Variants in PDE10A observed in about 807,000 individuals in gnomAD.
PDE10A encodes phosphodiesterase 10A, also known as cAMP and cAMP-inhibited cGMP 3',5'-cyclic phosphodiesterase 10A.
In PDE10A, 39 loss-of-function variants were observed where a neutral mutation model predicts 97.7. That is an observed-to-expected ratio of 0.40 (90% CI 0.31 to 0.52). The LOEUF (loss-of-function observed/expected upper bound fraction) is 0.52, where lower values mean the gene tolerates loss of function less well. Among genes scored for constraint, PDE10A ranks in the 20% least tolerant of loss-of-function variants. PDE10A has a pLI of 0.56. For missense variants in PDE10A, 731 were observed against 1,047.8 expected (o/e 0.70, Z 4.17); for synonymous variants, 371 against 376.8 (o/e 0.98, Z 0.18).
At chr6:165,495,186 C>T (rs1780466268) in intron 2 of PDE10A, among the ~76,000 whole-genome samples, 2 of 152,110 alleles carry the variant, frequency 1.3e-5, no homozygotes, top group Admixed American at 1.3e-4. Flanking sequence ...ACTTAAATTT[C>T]GTGGTTTTGA....
intron 13 of PDE10A, among the ~76,000 whole-genome samples, chr6:165,405,926 C>T (rs1787104287): frequency 6.6e-6 from 1 of 152,118 alleles, no homozygotes; most frequent in South Asian, 2.1e-4. Context: ...AATATATAAA[C>T]ACAGGACATG....
At chr6:165,624,191 G>C (rs1419601218) in intron 1 of PDE10A, among the ~76,000 whole-genome samples, 2 of 152,132 alleles carry the variant, frequency 1.3e-5, no homozygotes, top group Non-Finnish European at 2.9e-5. Flanking sequence ...CCCTCCTCTG[G>C]CCCAGGCCTC....
At position 165,329,173 on chromosome 6, in the gene PDE10A, A is replaced by T. The variant is rs1203690377; in HGVS notation, c.*3852T>A. 6.6e-6 allele frequency: 1 copy of T among 152,234 alleles called. No homozygotes were observed. Among genetic ancestry groups the T allele is most frequent in the East Asian group, 1.9e-4 (1 of 5,194 alleles). 9.4% of individuals were successfully genotyped at this position (152,234 alleles called of 1,614,324 possible). A position where few individuals can be genotyped will look rare whatever the true frequency, so the allele number is the denominator to read the frequency against. ...AGAAGTGATTTTAAAAATCATGCTT[A>T]GGTACCTGAAACCCCCCAAAATCAC... On this transcript the variant is annotated 3_prime_UTR_variant, in exon 22 of 22. Coordinates refer to ENST00000539869, the MANE Select transcript of PDE10A (RefSeq NM_001385079.1).
chr6:165,557,413 A>C (rs1342907140), intron 1 of PDE10A, among the ~76,000 whole-genome samples: 1 of 152,186 alleles, frequency 6.6e-6, no homozygotes, highest in African/African-American at 2.4e-5. Flanking sequence ...TCTTATGCCC[A>C]TTTAGTAAAA....
At chr6:165,955,220 G>T (rs1784100507) in intron 1 of PDE10A, among the ~76,000 whole-genome samples, 2 of 152,208 alleles carry the variant, frequency 1.3e-5, no homozygotes, top group Admixed American at 6.5e-5. Context: ...CGTGCTCGGT[G>T]TATAGGGTTG....
rs775073146 is a variant in PDE10A, at chr6:165,395,202, T to C, written c.2282A>G (p.His761Arg). 1 of 1,612,942 alleles carries C rather than the reference T, an allele frequency of 6.2e-7. No homozygotes were observed. Among genetic ancestry groups the C allele is most frequent in the Non-Finnish European group, 8.5e-7 (1 of 1,179,060 alleles). Residue 761 changes from histidine to arginine, a missense_variant, in exon 15 of 22, where the codon CAT (histidine) becomes CGT (arginine). Physicochemically the swap from His to Arg is conservative, Grantham distance 29 (BLOSUM62 0). Transcript: ENST00000539869. ...ATACCAGGATGTCCCACAGGACCGA[T>C]GAACCATGTAGACAAAAATTCCAGG... is the stretch of plus-strand genomic sequence containing the variant. ...MWPGIFVYMVHRSCGTSCFEL... is the reference protein window; with the variant it reads ...MWPGIFVYMVRRSCGTSCFEL...
chr6:165,940,831 C>T (rs2128492553), intron 1 of PDE10A: 1 of 152,344 alleles, frequency 6.6e-6, no homozygotes. Context: ...ATTCAGCAGC[C>T]TTTATCACTG....
chr6:165,878,303 G>A (rs772979591), intron 1 of PDE10A, among the ~76,000 whole-genome samples: 1 of 152,190 alleles, frequency 6.6e-6, no homozygotes, highest in African/African-American at 2.4e-5. Flanking sequence ...CAGAAGTCAT[G>A]CATGGTCATT....
chr6:165,909,549 C>T (rs1782396551), intron 1 of PDE10A, among the ~76,000 whole-genome samples: 1 of 152,160 alleles, frequency 6.6e-6, no homozygotes, highest in Non-Finnish European at 1.5e-5. Flanking sequence ...CTGGGAGTGA[C>T]GTTAACAAGG....
At chr6:165,406,074 A>G (rs1054500836) in intron 13 of PDE10A, among the ~76,000 whole-genome samples, 2 of 152,202 alleles carry the variant, frequency 1.3e-5, no homozygotes, top group South Asian at 2.1e-4. Flanking sequence ...GAAGAAAAAA[A>G]AAGACTGAAC....
intron 1 of PDE10A, among the ~76,000 whole-genome samples, chr6:165,572,146 T>C (rs1785077534): frequency 6.6e-6 from 1 of 152,226 alleles, no homozygotes; most frequent in South Asian, 2.1e-4. Context: ...TCCCTAATAC[T>C]TAATCATTTC....
chr6:165,349,958 C>G (rs1047485591), intron 18 of PDE10A, among the ~76,000 whole-genome samples: 2 of 152,218 alleles, frequency 1.3e-5, no homozygotes, highest in East Asian at 3.9e-4. Flanking sequence ...GATGTCCAGG[C>G]AGAAGTTTGC....
At chr6:165,542,651 C>T (rs1183473882) in intron 2 of PDE10A, among the ~76,000 whole-genome samples, 1 of 102,578 alleles carries the variant, frequency 9.7e-6, no homozygotes, top group Non-Finnish European at 1.7e-5. Flanking sequence ...GACAGTCTTG[C>T]TCTGTTGCCC....
intron 1 of PDE10A, among the ~76,000 whole-genome samples, chr6:165,590,855 C>A (rs1854311): frequency 0.6 from 91,558 of 151,934 alleles, 32,026 homozygotes; most frequent in Non-Finnish European, 0.78. Context: ...CACGCCACTG[C>A]AGTCCAGCCT....
intron 15 of PDE10A, 82 bp from the exon 16 acceptor site, chr6:165,392,878 T>C (rs1785831038): frequency 8.2e-7 from 1 of 1,223,962 alleles, no homozygotes; most frequent in Non-Finnish European, 1.2e-6. Context: ...TAGGTACATA[T>C]ATGTCTGTAC....
intron 1 of PDE10A, among the ~76,000 whole-genome samples, chr6:165,945,096 G>A (rs1783723788): frequency 6.6e-6 from 1 of 152,172 alleles, no homozygotes; most frequent in Non-Finnish European, 1.5e-5. Flanking sequence ...GTGAGAGTGT[G>A]TCACTTTGAA....
At chr6:165,794,229 T>TC (rs965107113) in intron 1 of PDE10A, among the ~76,000 whole-genome samples, 1 of 135,744 alleles carries the variant, frequency 7.4e-6, no homozygotes, top group Non-Finnish European at 1.6e-5. Context: ...AATCATACAC[T>TC]CCCTCCCACA....
At chr6:165,473,720 G>A (rs1456392904) in intron 3 of PDE10A, among the ~76,000 whole-genome samples, 1 of 152,132 alleles carries the variant, frequency 6.6e-6, no homozygotes, top group Non-Finnish European at 1.5e-5. Context: ...AGCCAAGAAA[G>A]CTCATATTTA....
intron 1 of PDE10A, among the ~76,000 whole-genome samples, chr6:165,859,325 A>T (rs1212521632): frequency 6.6e-6 from 1 of 152,196 alleles, no homozygotes; most frequent in Non-Finnish European, 1.5e-5. Context: ...TACATAACAC[A>T]AATTTACCAT....
Sources: allele counts gnomAD v4.1 joint callset (sites outside exome capture counted in the v4.1 genomes callset), GRCh38; gene constraint gnomAD v4.1.1; transcripts MANE v1.5; gene names NCBI Gene and HGNC (gene_info 2026-07-23, HGNC 2026-07-21).